LPAR1: variants seen among roughly 807,000 people sequenced by gnomAD.
LPAR1 encodes the protein LPA receptor 1.
A neutral mutation model predicts 23.8 loss-of-function variants in LPAR1; 5 were observed. That is an observed-to-expected ratio of 0.21 (90% CI 0.11 to 0.44). The LOEUF (loss-of-function observed/expected upper bound fraction) is 0.44. Among genes scored for constraint, LPAR1 ranks in the 20% least tolerant of loss-of-function variants. LPAR1 has a pLI of 0.99. For synonymous variants in LPAR1, 160 were observed against 164.7 expected (o/e 0.97, Z 0.22); for missense variants, 311 against 482.8 (o/e 0.64, Z 3.33).
chr9:110,874,441 T>A lies in LPAR1; in HGVS notation c.*980A>T, dbSNP rs2078699869. The stretch of plus-strand genomic sequence containing the variant: ...TACACATATAGGCATACATGGGGGT[T>A]GCTTTTTAAAGGTGGTTACTTCTGG... On this transcript the variant is annotated 3_prime_UTR_variant, in exon 6 of 6. Transcript: ENST00000683809. 6.6e-6 allele frequency: 1 copy of A among 152,632 alleles called. No homozygotes were observed. The highest frequency in any genetic ancestry group is 1.5e-5 in the Non-Finnish European group (1 of 68,020). 9.5% of individuals were successfully genotyped at this position (152,632 alleles called of 1,614,324 possible).
chr9:110,892,393 C>T lies in LPAR1; in HGVS notation c.794-16671G>A, dbSNP rs566503616. Among the ~76,000 whole-genome samples the T allele has an allele frequency of 6.6e-5, 10 of 152,194 alleles. No individual in the cohort carries two copies. The East Asian group carries it at 7.8e-4, about 12-fold the overall frequency. ...AAGTAGGTCATAGCTCAGGCCGGCA[C>T]GGTGGCTCATGCCTATAATCCAAGC... On this transcript the variant is annotated intron_variant, in intron 5 of 5. Coordinates refer to ENST00000683809, the MANE Select transcript of LPAR1 (RefSeq NM_001351411.2).
chr9:110,948,158 A>G lies in LPAR1; in HGVS notation c.46-5990T>C, dbSNP rs111795090. Among the ~76,000 whole-genome samples the G allele has an allele frequency of 8.4e-3, 1,287 of 152,342 alleles. 15 individuals are homozygous for G. The highest frequency in any genetic ancestry group is 0.029 in the African/African-American group (1,215 of 41,580). On this transcript the variant is annotated intron_variant, in intron 4 of 5. Transcript: ENST00000683809. ...TTAAATTCTTATTCTTAAATTCAAA[A>G]TAATCAGGCCTATTTTCTTTCTCCA...
chr9:110,909,923 A>AT (rs1311949527), intron 5 of LPAR1, among the ~76,000 whole-genome samples: 2 of 151,466 alleles, frequency 1.3e-5, no homozygotes, highest in Non-Finnish European at 2.9e-5. Context: ...AATTTTTTGC[A>AT]TTTTTTGGAG....
chr9:110,953,001 C>T (rs982570961), intron 4 of LPAR1, among the ~76,000 whole-genome samples: 4 of 152,208 alleles, frequency 2.6e-5, no homozygotes, highest in Admixed American at 6.5e-5. Context: ...GGCACACAGA[C>T]GTATGTGCCA....
intron 5 of LPAR1, among the ~76,000 whole-genome samples, chr9:110,927,102 A>G (rs1295494610): frequency 6.6e-6 from 1 of 152,240 alleles, no homozygotes; most frequent in Non-Finnish European, 1.5e-5. Context: ...CGTGGTACAG[A>G]TAAAGAAGTT....
intron 2 of LPAR1, among the ~76,000 whole-genome samples, chr9:111,003,335 G>A (rs78776206): frequency 0.011 from 1,635 of 152,106 alleles, 18 homozygotes; most frequent in Middle Eastern, 0.031. Context: ...AACACTCCAC[G>A]GTAAGACAGA....
intron 4 of LPAR1, among the ~76,000 whole-genome samples, chr9:110,958,369 A>AT (rs1270905540): frequency 6.6e-6 from 1 of 152,350 alleles, no homozygotes; most frequent in African/African-American, 2.4e-5. Flanking sequence ...TGGTATTGGT[A>AT]TAAAAACAGA....
rs2096922853 is a variant in LPAR1, at chr9:110,992,853, A to T, written c.-181-19295T>A. On this transcript the variant is annotated intron_variant, in intron 2 of 5. Transcript: ENST00000683809. ...AAGAGCAGAATGACATGAGGGAAGGATTTCAAACAACAGGAGAAAAGCTGA... is the reference window on the plus strand; with the variant it reads ...AAGAGCAGAATGACATGAGGGAAGGTTTTCAAACAACAGGAGAAAAGCTGA... Among the ~76,000 whole-genome samples, 5 of 152,204 alleles carry T rather than the reference A, an allele frequency of 3.3e-5. No individual in the cohort carries two copies. The South Asian group carries it at 1.0e-3, about 32-fold the overall frequency.
At chr9:110,972,470 A>G (rs756907448) in intron 3 of LPAR1, among the ~76,000 whole-genome samples, 5 of 152,204 alleles carry the variant, frequency 3.3e-5, no homozygotes, top group Admixed American at 6.5e-5. Flanking sequence ...TTTTGGGAAG[A>G]CAGTTTCAAG....
rs1229849649 is a variant in LPAR1 at position 110,967,323 on chromosome 9, C to A, written c.45+4750G>T. On this transcript the variant is annotated intron_variant, in intron 4 of 5. Coordinates refer to ENST00000683809, the MANE Select transcript of LPAR1 (RefSeq NM_001351411.2). ...CCCCACTTCAAAAAACAAGGCATAT[C>A]TTTCAACTAACTAAACAGCAATCCC... is the stretch of plus-strand genomic sequence containing the variant. Among the ~76,000 whole-genome samples, 6 of 152,264 alleles carry A rather than the reference C, an allele frequency of 3.9e-5. No individual in the cohort carries two copies. In the East Asian group the frequency reaches 7.7e-4, roughly 20 times the overall value.
At chr9:110,991,032 C>T (rs925968059) in intron 2 of LPAR1, among the ~76,000 whole-genome samples, 4 of 151,974 alleles carry the variant, frequency 2.6e-5, no homozygotes, top group African/African-American at 9.7e-5. Context: ...AAAATATAAA[C>T]TGAAAAAACC....
At chr9:110,986,252 C>G (rs868493056) in intron 2 of LPAR1, among the ~76,000 whole-genome samples, 1 of 152,008 alleles carries the variant, frequency 6.6e-6, no homozygotes, top group East Asian at 1.9e-4. Flanking sequence ...CTACTGAGGG[C>G]GCCACTGTGC....
chr9:110,938,076 T>G (rs1412725720), intron 5 of LPAR1, among the ~76,000 whole-genome samples: 4 of 152,168 alleles, frequency 2.6e-5, no homozygotes. Flanking sequence ...ATCACATGCA[T>G]TCCCTCAGCA....
At chr9:110,985,061 T>C (rs990441719) in intron 2 of LPAR1, among the ~76,000 whole-genome samples, 5 of 152,096 alleles carry the variant, frequency 3.3e-5, no homozygotes, top group African/African-American at 9.7e-5. Flanking sequence ...CCACTGACTC[T>C]ACCCCCTTCA....
intron 5 of LPAR1, among the ~76,000 whole-genome samples, chr9:110,881,049 T>C (rs933059083): frequency 6.6e-6 from 1 of 152,202 alleles, no homozygotes; most frequent in African/African-American, 2.4e-5. Context: ...CTTTTTGAGA[T>C]TAACGCTTTT....
chr9:110,982,537 G>T (rs757152728), intron 2 of LPAR1, among the ~76,000 whole-genome samples: 16 of 151,828 alleles, frequency 1.1e-4, no homozygotes, highest in Admixed American at 6.6e-5. Context: ...ATGACGAGTT[G>T]ATGGATGCAG....
chr9:110,923,068 A>G (rs1279457832), intron 5 of LPAR1, among the ~76,000 whole-genome samples: 5 of 151,846 alleles, frequency 3.3e-5, no homozygotes, highest in African/African-American at 4.8e-5. Flanking sequence ...ACACCACTCA[A>G]TACAAAGGAG....
chr9:110,978,185 A>G (rs1041436189), intron 2 of LPAR1, among the ~76,000 whole-genome samples: 2 of 152,196 alleles, frequency 1.3e-5, no homozygotes, highest in African/African-American at 2.4e-5. Flanking sequence ...GCAGGTAGCC[A>G]TAGAAAGAAA....
chr9:110,939,089 A>G (rs1380542454), intron 5 of LPAR1, among the ~76,000 whole-genome samples: 1 of 152,058 alleles, frequency 6.6e-6, no homozygotes, highest in East Asian at 1.9e-4. Flanking sequence ...CTGAGCCCCA[A>G]TTTTGGGGTT....
Sources: gnomAD v4.1 joint callset for allele counts (sites outside exome capture counted in the v4.1 genomes callset) on GRCh38, gnomAD v4.1.1 for gene constraint, MANE v1.5 for transcripts, NCBI Gene and HGNC (gene_info 2026-07-23, HGNC 2026-07-21) for gene names.